The following LSAMP variants were observed in gnomAD, a reference collection of about 807,000 sequenced individuals.
LSAMP encodes limbic system-associated membrane protein.
Under a neutral mutation model 38.6 loss-of-function variants are expected in LSAMP, and 7 were observed. The ratio of observed to expected loss-of-function variants is 0.18; its 90% CI spans 0.10 to 0.34. The LOEUF is 0.34. LSAMP is among the 10% of genes least tolerant of loss of function. The probability of loss-of-function intolerance (pLI) is 1.00; values close to 1 mark genes in which losing one functional copy is unlikely to be tolerated. For missense variants in LSAMP, 313 were observed against 420.0 expected (o/e 0.75, Z 2.23); for synonymous variants, 154 against 166.8 (o/e 0.92, Z 0.59).
intron 1 of LSAMP, among the ~76,000 whole-genome samples, chr3:116,209,601 A>AGTAAGAGG (rs2046125526): frequency 6.6e-6 from 1 of 152,120 alleles, no homozygotes; most frequent in African/African-American, 2.4e-5. Flanking sequence ...ATGTGTGAAG[A>AGTAAGAGG]GTAAGAGGGG....
Position 115,989,516 on chromosome 3 carries a change from A to G in LSAMP, c.514+29999T>C, listed in dbSNP as rs146821131. Among the ~76,000 whole-genome samples, 1,118 of 152,112 alleles carry G rather than the reference A, an allele frequency of 7.3e-3. 42 individuals carry two copies. The highest frequency in any genetic ancestry group is 0.055 in the Admixed American group (843 of 15,236). On this transcript the variant is annotated intron_variant, in intron 3 of 6. Transcript: ENST00000490035. Reference sequence around the variant, plus strand: ...TTCTCTTTCCATGTTCTCTTTGCCCATCTGTCAATAATTGAAAAGCACTCT... The same window carrying G: ...TTCTCTTTCCATGTTCTCTTTGCCCGTCTGTCAATAATTGAAAAGCACTCT...
chr3:116,043,879 G>A (rs1941233107), intron 2 of LSAMP, among the ~76,000 whole-genome samples: 1 of 152,232 alleles, frequency 6.6e-6, no homozygotes, highest in Non-Finnish European at 1.5e-5. Flanking sequence ...CGGTCAGGCG[G>A]AGCTTGCACT....
At chr3:116,345,649 T>C (rs1036846011) in intron 1 of LSAMP, among the ~76,000 whole-genome samples, 2 of 152,150 alleles carry the variant, frequency 1.3e-5, no homozygotes, top group Non-Finnish European at 2.9e-5. Flanking sequence ...AGTTTCATAA[T>C]AATGTTATTT....
At chr3:116,281,488 T>A (rs754547136) in intron 1 of LSAMP, among the ~76,000 whole-genome samples, 4 of 152,162 alleles carry the variant, frequency 2.6e-5, no homozygotes, top group African/African-American at 4.8e-5. Flanking sequence ...AACTGCCAGA[T>A]TCAGACGTGG....
chr3:116,197,526 A>G (rs1274872205), intron 1 of LSAMP, among the ~76,000 whole-genome samples: 1 of 152,232 alleles, frequency 6.6e-6, no homozygotes, highest in African/African-American at 2.4e-5. Flanking sequence ...TGCTTAAAGC[A>G]CTGTGCCAAC....
At chr3:115,870,104 A>C (rs1159078889) in intron 3 of LSAMP, among the ~76,000 whole-genome samples, 3 of 152,168 alleles carry the variant, frequency 2.0e-5, no homozygotes, top group Non-Finnish European at 2.9e-5. Context: ...ATAAAGTTTT[A>C]CTTGGACACA....
At chr3:115,997,145 G>T (rs1484635960) in intron 3 of LSAMP, among the ~76,000 whole-genome samples, 1 of 152,132 alleles carries the variant, frequency 6.6e-6, no homozygotes, top group Non-Finnish European at 1.5e-5. Flanking sequence ...CATCTGGAAT[G>T]GGGCTAAGAA....
intron 1 of LSAMP, among the ~76,000 whole-genome samples, chr3:116,112,599 T>C (rs1257688866): frequency 6.6e-6 from 1 of 152,186 alleles, no homozygotes; most frequent in Non-Finnish European, 1.5e-5. Context: ...CTCACACACA[T>C]CTTAAAGAAT....
At chr3:116,051,050 G>A (rs1941386619) in intron 2 of LSAMP, 2 of 152,162 alleles carry the variant, frequency 1.3e-5, no homozygotes, top group African/African-American at 4.8e-5. Flanking sequence ...CAGAAACCTG[G>A]TGGCAGTAGC....
chr3:116,170,717 C>T (rs1209264486), intron 1 of LSAMP, among the ~76,000 whole-genome samples: 3 of 152,102 alleles, frequency 2.0e-5, no homozygotes, highest in Non-Finnish European at 1.5e-5. Flanking sequence ...GTGAAATTAG[C>T]ATTCAATATA....
Position 116,220,538 on chromosome 3 carries a change from T to C in LSAMP, c.156-133982A>G, listed in dbSNP as rs76059219. ...CATTGGAAAAGTGACTATTGGGACT[T>C]AGGGACATTTTGAGTTGCCAAGCAT... On this transcript the variant is annotated intron_variant, in intron 1 of 6. Transcript: ENST00000490035. Among the ~76,000 whole-genome samples, 293 of 152,282 alleles carry C rather than the reference T, an allele frequency of 1.9e-3. 1 individual carries two copies. The highest frequency in any genetic ancestry group is 6.4e-3 in the African/African-American group (265 of 41,562).
chr3:116,424,129 G>T (rs61000976), intron 1 of LSAMP, among the ~76,000 whole-genome samples: 3,256 of 152,282 alleles, frequency 0.021, 102 homozygotes, highest in African/African-American at 0.074. Flanking sequence ...TAAAAAGTCT[G>T]AGCTTTATTT....
At chr3:116,398,941 A>C (rs1386455825) in intron 1 of LSAMP, among the ~76,000 whole-genome samples, 2 of 152,148 alleles carry the variant, frequency 1.3e-5, no homozygotes, top group Non-Finnish European at 2.9e-5. Flanking sequence ...AGCTTTCCAG[A>C]GGGAAAGAAA....
chr3:116,441,207 G>A (rs959912215), intron 1 of LSAMP, among the ~76,000 whole-genome samples: 38 of 152,152 alleles, frequency 2.5e-4, no homozygotes, highest in African/African-American at 8.7e-4. Context: ...ATCATTAAAA[G>A]TATTATAATA....
intron 2 of LSAMP, among the ~76,000 whole-genome samples, chr3:116,041,487 C>G (rs1361520148): frequency 6.6e-6 from 1 of 151,686 alleles, no homozygotes; most frequent in Non-Finnish European, 1.5e-5. Flanking sequence ...AAAATTCAGT[C>G]CTTTTGCAAG....
chr3:115,995,933 C>G (rs1939803760), intron 3 of LSAMP, among the ~76,000 whole-genome samples: 1 of 151,868 alleles, frequency 6.6e-6, no homozygotes, highest in Non-Finnish European at 1.5e-5. Context: ...GCTTGAGATA[C>G]AATATATTAA....
At chr3:115,881,414 T>C (rs1221722731) in intron 3 of LSAMP, among the ~76,000 whole-genome samples, 1 of 152,162 alleles carries the variant, frequency 6.6e-6, no homozygotes, top group East Asian at 1.9e-4. Flanking sequence ...TCCAATTCTT[T>C]TGTGAGTATT....
chr3:116,306,346 G>A (rs1453013541), intron 1 of LSAMP, among the ~76,000 whole-genome samples: 1 of 152,002 alleles, frequency 6.6e-6, no homozygotes, highest in Non-Finnish European at 1.5e-5. Context: ...ACAAAGGATA[G>A]TCATTTACTG....
At chr3:116,163,033 A>G (rs1709936289) in intron 1 of LSAMP, among the ~76,000 whole-genome samples, 1 of 151,768 alleles carries the variant, frequency 6.6e-6, no homozygotes, top group African/African-American at 2.4e-5. Context: ...GGGCAACAGC[A>G]AAATGAAAAT....
Sources: allele counts gnomAD v4.1 joint callset (sites outside exome capture counted in the v4.1 genomes callset), GRCh38; gene constraint gnomAD v4.1.1; transcripts MANE v1.5; gene names NCBI Gene and HGNC (gene_info 2026-07-23, HGNC 2026-07-21).